The following FSTL4 variants were observed in gnomAD, a reference collection of about 807,000 sequenced individuals.
FSTL4 encodes the protein follistatin like 4.
Under a neutral mutation model 78.2 loss-of-function variants are expected in FSTL4, and 28 were observed. That is an observed-to-expected ratio of 0.36 (90% CI 0.27 to 0.49). The LOEUF (loss-of-function observed/expected upper bound fraction) is 0.49. FSTL4 is among the 20% of genes least tolerant of loss of function. The pLI is 0.98. For missense variants in FSTL4, 922 were observed against 1,084.9 expected, an observed-to-expected ratio of 0.85 and a Z score of 2.11; for synonymous variants, 422 against 440.5, an observed-to-expected ratio of 0.96 and a Z score of 0.53.
chr5:133,758,292 T>C, the FSTL4 span, among the ~76,000 whole-genome samples: 89,750 of 152,038 alleles, frequency 0.59, 27,177 homozygotes, highest in Non-Finnish European at 0.67. Flanking sequence ...AATTTTTAGT[T>C]ACTGTTAAAG....
At chr5:133,786,471 T>G in the FSTL4 span, among the ~76,000 whole-genome samples, 1 of 152,246 alleles carries the variant, frequency 6.6e-6, no homozygotes, top group African/African-American at 2.4e-5. Context: ...TGTCCTCGTA[T>G]AAAGTCTACC....
At chr5:133,543,716 T>C (rs1759520569) in intron 3 of FSTL4, among the ~76,000 whole-genome samples, 1 of 152,146 alleles carries the variant, frequency 6.6e-6, no homozygotes, top group Non-Finnish European at 1.5e-5. Flanking sequence ...GGGCCTTTTT[T>C]TTCTATTCTG....
the FSTL4 span, among the ~76,000 whole-genome samples, chr5:133,678,116 T>C: frequency 1.3e-5 from 2 of 152,348 alleles, no homozygotes; most frequent in South Asian, 2.1e-4. Flanking sequence ...TATATTGTTA[T>C]TAACTACAGT....
rs182271547 is a variant in FSTL4 at position 133,488,395 on chromosome 5, C to T, written c.160+78791G>A. On this transcript the variant is annotated intron_variant, in intron 3 of 15. Coordinates refer to ENST00000265342, the MANE Select transcript of FSTL4 (RefSeq NM_015082.2). The stretch of plus-strand genomic sequence containing the variant: ...TCAGCCTCCTGAGTAGCTGGAATTA[C>T]GGGTACCCACCACCACATCCAGCTA... Among the ~76,000 whole-genome samples the T allele has an allele frequency of 8.2e-4, 125 of 152,274 alleles. 1 individual carries two copies. The Middle Eastern group carries it at 0.01, about 12-fold the overall frequency.
At chr5:133,418,812 A>G (rs953957926) in intron 3 of FSTL4, among the ~76,000 whole-genome samples, 20 of 152,238 alleles carry the variant, frequency 1.3e-4, no homozygotes, top group Non-Finnish European at 2.9e-5. Context: ...GTTTCGACAT[A>G]TATGTACACC....
chr5:133,779,225 C>T, the FSTL4 span, among the ~76,000 whole-genome samples: 1 of 152,164 alleles, frequency 6.6e-6, no homozygotes. Flanking sequence ...CTCCCGCAGC[C>T]TCCTTCCACT....
chr5:133,751,685 C>T, the FSTL4 span, among the ~76,000 whole-genome samples: 1 of 152,192 alleles, frequency 6.6e-6, no homozygotes, highest in South Asian at 2.1e-4. Flanking sequence ...TAATCAAAAA[C>T]AAACTGGAAT....
chr5:133,500,946 G>GAAA (rs111455708), intron 3 of FSTL4, among the ~76,000 whole-genome samples: 8 of 146,122 alleles, frequency 5.5e-5, no homozygotes, highest in East Asian at 2.0e-4. Flanking sequence ...TTTGCTTCAT[G>GAAA]AAAAAAAAAA....
chr5:133,240,595 T>C (rs925180420), intron 7 of FSTL4, among the ~76,000 whole-genome samples: 11 of 152,146 alleles, frequency 7.2e-5, no homozygotes, highest in Non-Finnish European at 1.6e-4. Context: ...CTGGCTGACT[T>C]GGGTGTCCTC....
rs114072534 is a variant in FSTL4 at position 133,548,322 on chromosome 5, T to G, written c.160+18864A>C. Among the ~76,000 whole-genome samples, 1,363 of 152,258 alleles carry G rather than the reference T, an allele frequency of 9.0e-3. 20 individuals are homozygous for G. The highest frequency in any genetic ancestry group is 0.032 in the African/African-American group (1,316 of 41,554). On this transcript the variant is annotated intron_variant, in intron 3 of 15. Coordinates refer to ENST00000265342, the MANE Select transcript of FSTL4 (RefSeq NM_015082.2). ...CTGAACCTATGGTTAGCGTTTGAAGTGAGAGCAGTCTTATAGAGGACTGAG... is the reference window on the plus strand; with the variant it reads ...CTGAACCTATGGTTAGCGTTTGAAGGGAGAGCAGTCTTATAGAGGACTGAG...
At chr5:133,455,694 T>C (rs1382993702) in intron 3 of FSTL4, among the ~76,000 whole-genome samples, 2 of 152,232 alleles carry the variant, frequency 1.3e-5, no homozygotes, top group African/African-American at 2.4e-5. Context: ...CAAGACCATA[T>C]TCAAGGAGGC....
chr5:133,464,892 C>G (rs1410688758), intron 3 of FSTL4, among the ~76,000 whole-genome samples: 2 of 152,160 alleles, frequency 1.3e-5, no homozygotes, highest in Non-Finnish European at 2.9e-5. Flanking sequence ...CTGATAGGAG[C>G]AGTCTCTACT....
chr5:133,625,126 C>T, the FSTL4 span, among the ~76,000 whole-genome samples: 1 of 151,664 alleles, frequency 6.6e-6, no homozygotes, highest in East Asian at 1.9e-4. Context: ...TAGGGTAATA[C>T]TAGCTTCATA....
intron 3 of FSTL4, among the ~76,000 whole-genome samples, chr5:133,491,767 T>C (rs10036901): frequency 0.012 from 1,874 of 152,320 alleles, 36 homozygotes; most frequent in African/African-American, 0.043. Flanking sequence ...TTTTGTGCCA[T>C]TATATTTAGA....
At chr5:133,245,363 C>A (rs1752010175) in intron 7 of FSTL4, among the ~76,000 whole-genome samples, 1 of 152,214 alleles carries the variant, frequency 6.6e-6, no homozygotes, top group Non-Finnish European at 1.5e-5. Context: ...GGAAAAGGCG[C>A]TCCAGACTCT....
chr5:133,674,541 A>G, the FSTL4 span, among the ~76,000 whole-genome samples: 1 of 152,176 alleles, frequency 6.6e-6, no homozygotes, highest in African/African-American at 2.4e-5. Flanking sequence ...AAACCTTGAG[A>G]AATCCCGTAG....
the FSTL4 span, among the ~76,000 whole-genome samples, chr5:133,711,795 C>T: frequency 1.3e-5 from 2 of 152,212 alleles, no homozygotes; most frequent in Non-Finnish European, 2.9e-5. Flanking sequence ...ATTTCGTGGA[C>T]TGACCTTCCA....
chr5:133,357,362 C>A (rs1160019078), intron 4 of FSTL4, among the ~76,000 whole-genome samples: 7 of 152,142 alleles, frequency 4.6e-5, no homozygotes, highest in Non-Finnish European at 8.8e-5. Context: ...TCTTCTGCCC[C>A]CAAGGCAGAA....
intron 6 of FSTL4, among the ~76,000 whole-genome samples, chr5:133,285,526 T>C (rs1753109261): frequency 6.6e-6 from 1 of 152,158 alleles, no homozygotes; most frequent in Admixed American, 6.5e-5. Context: ...TGGAGTAGGA[T>C]CTGAATTCTC....
Sources: allele counts gnomAD v4.1 joint callset (sites outside exome capture counted in the v4.1 genomes callset), GRCh38; gene constraint gnomAD v4.1.1; transcripts MANE v1.5; gene names NCBI Gene and HGNC (gene_info 2026-07-23, HGNC 2026-07-21).